The following TNRC6C variants were observed in gnomAD, a reference collection of about 807,000 sequenced individuals.
TNRC6C encodes the protein trinucleotide repeat-containing gene 6C protein.
A neutral mutation model predicts 153.7 loss-of-function variants in TNRC6C; 20 were observed. That is an observed-to-expected ratio of 0.13 (90% CI 0.09 to 0.19). The LOEUF (loss-of-function observed/expected upper bound fraction) is 0.19. Among genes scored for constraint, TNRC6C ranks in the 10% least tolerant of loss-of-function variants. TNRC6C has a pLI of 1.00. For missense variants in TNRC6C, 1,987 were observed against 2,172.0 expected, an observed-to-expected ratio of 0.91 and a Z score of 1.69; for synonymous variants, 811 against 841.4, an observed-to-expected ratio of 0.96 and a Z score of 0.63.
At chr17:78,092,685 G>C (rs2073414349) in intron 14 of TNRC6C, among the ~76,000 whole-genome samples, 1 of 152,090 alleles carries the variant, frequency 6.6e-6, no homozygotes. Context: ...GTTGAGCCCT[G>C]ATCACATCAC....
chr17:77,983,792 T>TA (rs1368956284), intron 1 of TNRC6C, among the ~76,000 whole-genome samples: 1 of 152,222 alleles, frequency 6.6e-6, no homozygotes, highest in Non-Finnish European at 1.5e-5. Context: ...TATATATAAT[T>TA]ACTGGAAGTT....
chr17:78,046,758 A>T (rs971028996), intron 2 of TNRC6C, among the ~76,000 whole-genome samples: 16 of 152,192 alleles, frequency 1.1e-4, no homozygotes, highest in African/African-American at 3.9e-4. Context: ...CATGTATACG[A>T]TATAAGGGAT....
At chr17:77,998,510 G>A (rs1025597071) in intron 1 of TNRC6C, among the ~76,000 whole-genome samples, 19 of 152,078 alleles carry the variant, frequency 1.2e-4, no homozygotes, top group African/African-American at 4.6e-4. Flanking sequence ...CCGAGGTACT[G>A]TTCATTTTTT....
In TNRC6C at chr17:78,049,004, C is replaced by T; in HGVS notation, c.-59C>T. The T allele has an allele frequency of 7.0e-7, 1 of 1,425,800 alleles. No homozygotes were observed. The highest frequency in any genetic ancestry group is 1.4e-5 in the African/African-American group (1 of 69,766). The allele number at this position is 1,425,800 out of a possible 1,614,324, so 88.3% of individuals were successfully genotyped here. A position where few individuals can be genotyped will look rare whatever the true frequency, so the allele number is the denominator to read the frequency against. On this transcript the variant is annotated 5_prime_UTR_variant, in exon 3 of 20. Transcript: ENST00000301624. This position sits in a 1 kb window ranked among gnomAD's most constrained non-coding sequence, Gnocchi z 4.1. ...ATCACAGGAACAGAGACTGAATCTG[C>T]CTCAGAATGTACTACAGACACTGAC...
At chr17:78,021,545 G>A (rs756906352) in intron 1 of TNRC6C, among the ~76,000 whole-genome samples, 7 of 152,152 alleles carry the variant, frequency 4.6e-5, no homozygotes, top group Admixed American at 6.5e-5. Context: ...TTATGGAGAG[G>A]AGACATGGAA....
upstream of TNRC6C, among the ~76,000 whole-genome samples, chr17:77,959,043 G>T (rs1428466308): frequency 1.4e-5 from 2 of 144,150 alleles, no homozygotes; most frequent in Non-Finnish European, 3.1e-5. Flanking sequence ...TGCCGGGGCC[G>T]GACCTGGACC....
At chr17:77,974,582 C>T (rs1199433545) in intron 1 of TNRC6C, among the ~76,000 whole-genome samples, 2 of 152,186 alleles carry the variant, frequency 1.3e-5, no homozygotes, top group Non-Finnish European at 2.9e-5. Context: ...CCACCTTAAC[C>T]TCAAGAGTAG....
intron 1 of TNRC6C, among the ~76,000 whole-genome samples, chr17:77,970,789 T>C (rs1299478762): frequency 6.6e-6 from 1 of 152,112 alleles, no homozygotes; most frequent in African/African-American, 2.4e-5. Context: ...ACCCCTGGTA[T>C]AGATAAAAGC....
At chr17:77,960,056 C>T (rs1177064116) in intron 1 of TNRC6C, among the ~76,000 whole-genome samples, 2 of 152,128 alleles carry the variant, frequency 1.3e-5, no homozygotes, top group Non-Finnish European at 2.9e-5. Flanking sequence ...GGATGTTGTG[C>T]CGGGAGGTAG....
At chr17:78,064,272 T>G (rs1419394962) in intron 3 of TNRC6C, among the ~76,000 whole-genome samples, 1 of 152,194 alleles carries the variant, frequency 6.6e-6, no homozygotes, top group African/African-American at 2.4e-5. Flanking sequence ...AATTTTTGTA[T>G]TTTTAGTAGT....
At chr17:78,092,885 CA>C in intron 14 of TNRC6C, 47 bp from the exon 17 acceptor site, 1 of 1,574,338 alleles carries the variant, frequency 6.4e-7, no homozygotes, top group Non-Finnish European at 8.7e-7. Flanking sequence ...TGGTGTCTCT[CA>C]ACTGGAGAGT....
At chr17:78,098,624 G>A in intron 17 of TNRC6C, 87 bp downstream of exon 20, 4 of 1,433,154 alleles carry the variant, frequency 2.8e-6, no homozygotes, top group Non-Finnish European at 3.7e-6. Flanking sequence ...CCTTTGTAAG[G>A]ACCCCTGCCT....
intron 3 of TNRC6C, among the ~76,000 whole-genome samples, chr17:78,055,865 A>T (rs2072643340): frequency 6.6e-6 from 1 of 152,192 alleles, no homozygotes; most frequent in East Asian, 1.9e-4. Context: ...TTCCAAGGGT[A>T]CATATGTGGG....
chr17:77,959,733 G>A (rs894519301), intron 1 of TNRC6C, among the ~76,000 whole-genome samples: 7 of 152,128 alleles, frequency 4.6e-5, no homozygotes, highest in African/African-American at 1.7e-4. Context: ...GGCGCTCTGC[G>A]GCTCTGAAAT....
chr17:77,996,162 GA>G (rs1251664955), intron 1 of TNRC6C, among the ~76,000 whole-genome samples: 27 of 152,190 alleles, frequency 1.8e-4, no homozygotes, highest in African/African-American at 6.5e-4. Flanking sequence ...AGTGTTTACT[GA>G]ACCTACTTAG....
intron 9 of TNRC6C, among the ~76,000 whole-genome samples, chr17:78,078,342 C>A (rs1043352596): frequency 2.0e-5 from 3 of 152,174 alleles, no homozygotes; most frequent in East Asian, 3.8e-4. Context: ...CCTTACCTCA[C>A]CTATTTGTCA....
intron 1 of TNRC6C, among the ~76,000 whole-genome samples, chr17:77,962,389 A>C (rs879637261): frequency 6.6e-6 from 1 of 152,216 alleles, no homozygotes; most frequent in Non-Finnish European, 1.5e-5. Flanking sequence ...TTAAGATTTT[A>C]TAAGAAAGAA....
intron 17 of TNRC6C, among the ~76,000 whole-genome samples, chr17:78,101,479 G>A (rs960347419): frequency 2.6e-5 from 4 of 152,064 alleles, no homozygotes; most frequent in African/African-American, 7.3e-5. Flanking sequence ...AGTTGCTTCC[G>A]TGCCAAGACC....
intron 1 of TNRC6C, among the ~76,000 whole-genome samples, chr17:78,012,784 C>T (rs1415742946): frequency 6.6e-6 from 1 of 152,148 alleles, no homozygotes; most frequent in Non-Finnish European, 1.5e-5. Context: ...GTGGCCAGTG[C>T]AGTGAGGACC....
Sources: gnomAD v4.1 joint callset for allele counts (sites outside exome capture counted in the v4.1 genomes callset) on GRCh38, gnomAD v4.1.1 for gene constraint, Gnocchi (gnomAD v3.1) non-coding constraint, MANE v1.5 for transcripts, NCBI Gene and HGNC (gene_info 2026-07-23, HGNC 2026-07-21) for gene names.